The following FANCB variants were observed in gnomAD, a reference collection of about 807,000 sequenced individuals.
FANCB encodes Fanconi anemia group B protein.
Under a neutral mutation model 38.9 loss-of-function variants are expected in FANCB, and 5 were observed. That is an observed-to-expected ratio of 0.13 (90% CI 0.07 to 0.27). The LOEUF (loss-of-function observed/expected upper bound fraction) is 0.27, where lower values mean the gene tolerates loss of function less well. Ranked by LOEUF, FANCB falls within the 10% of genes least tolerant of loss-of-function variation. FANCB has a pLI of 1.00. For missense variants in FANCB, 573 were observed against 602.7 expected (o/e 0.95, Z 0.52); for synonymous variants, 236 against 215.4 (o/e 1.10, Z -0.84).
chrX:14,840,096 C>A (rs941863329), downstream of FANCB, among the ~76,000 whole-genome samples: 5 of 111,847 alleles, frequency 4.5e-5, no homozygotes, highest in Non-Finnish European at 9.4e-5. Context: ...CTCAGGTGAT[C>A]GGCCCACCTC....
the FANCB span, among the ~76,000 whole-genome samples, chrX:14,795,424 T>C: frequency 6.3e-5 from 7 of 111,513 alleles, no homozygotes; most frequent in Admixed American, 5.8e-4. Flanking sequence ...CAGTCTTTAA[T>C]GGTCTTAAAT....
chrX:14,755,804 T>C, the FANCB span, among the ~76,000 whole-genome samples: 1 of 111,043 alleles, frequency 9.0e-6, no homozygotes, highest in Non-Finnish European at 1.9e-5. Context: ...AAAAAAATCC[T>C]AAAATTCATA....
the FANCB span, among the ~76,000 whole-genome samples, chrX:14,787,383 T>G: frequency 9.4e-6 from 1 of 106,108 alleles, no homozygotes; most frequent in Non-Finnish European, 1.9e-5. Flanking sequence ...AGGGTGGGGG[T>G]GTGGAAAAAG....
chrX:14,871,638 G>GTATATATATATA (rs1406401370), intron 1 of FANCB, among the ~76,000 whole-genome samples: 2 of 109,466 alleles, frequency 1.8e-5, no homozygotes, highest in African/African-American at 6.6e-5. Flanking sequence ...GTGTGTGTGT[G>GTATATATATATA]TGTATATATA....
At chrX:14,859,156 C>A in intron 4 of FANCB, 26 bp downstream of exon 4, 1 of 1,055,944 alleles carries the variant, frequency 9.5e-7, no homozygotes, top group Non-Finnish European at 1.3e-6. Context: ...TCTTAAAATA[C>A]CATATAATAA....
the FANCB span, among the ~76,000 whole-genome samples, chrX:14,758,139 C>T: frequency 9.0e-6 from 1 of 111,111 alleles, no homozygotes; most frequent in Admixed American, 9.5e-5. Flanking sequence ...GCAGCAGAGG[C>T]ACCCACAGTG....
chrX:14,719,797 T>C, the FANCB span, among the ~76,000 whole-genome samples: 2 of 112,046 alleles, frequency 1.8e-5, no homozygotes, highest in African/African-American at 6.5e-5. Flanking sequence ...AAAATCAACA[T>C]ACATATCCAT....
At chrX:14,714,065 TTCTGGTTTGAAGCTTGAACTGATTC>T in the FANCB span, among the ~76,000 whole-genome samples, 3 of 110,750 alleles carry the variant, frequency 2.7e-5, no homozygotes. Context: ...AGTTATTAGG[TTCTGGTTTGAAGCTTGAACTGATTC>T]TATTTCCTGG....
chrX:14,733,112 A>T, the FANCB span, among the ~76,000 whole-genome samples: 3 of 112,059 alleles, frequency 2.7e-5, no homozygotes, highest in Admixed American at 2.8e-4. Context: ...TTTTCCGAAC[A>T]CCAATTATTA....
At chrX:14,848,584 C>T (rs1295921194) in intron 7 of FANCB, among the ~76,000 whole-genome samples, 1 of 111,621 alleles carries the variant, frequency 9.0e-6, no homozygotes, top group East Asian at 2.8e-4. Context: ...GCTTTTGTTG[C>T]AATTGTTACT....
At chrX:14,805,218 C>T in the FANCB span, among the ~76,000 whole-genome samples, 2 of 111,617 alleles carry the variant, frequency 1.8e-5, no homozygotes, top group African/African-American at 3.3e-5. Context: ...GAGTCTCACT[C>T]GCAGGCTACA....
chrX:14,859,379 C>A (rs1284338564), intron 3 of FANCB, 45 bp from the exon 4 acceptor site: 2 of 975,882 alleles, frequency 2.0e-6, no homozygotes, highest in Non-Finnish European at 2.9e-6. Context: ...AAGAAAAAAT[C>A]GAATGTGAAA....
Position 14,865,469 on chromosome X carries a change from C to G in FANCB, c.42G>C (p.Arg14Ser). ...GGACTTCCCCATTATAACACAAGAG[C>G]CTTTCTTGTTCGTTAGATGACATTG... ...KQAMSSNEQE[R>S]LLCYNGEVLV... is the part of the protein sequence containing the mutation. The change falls in exon 3 of 10, where the codon AGG becomes AGC. Residue 14 changes from arginine to serine, a missense_variant. Arg to Ser is a moderately radical substitution (Grantham distance 110). Transcript: ENST00000650831. The G allele has an allele frequency of 3.3e-6, 4 of 1,207,860 alleles. No individual in the cohort carries two copies. Among genetic ancestry groups the G allele is most frequent in the Non-Finnish European group, 4.5e-6 (4 of 893,445 alleles).
chrX:14,816,206 TAAAAC>T, the FANCB span, among the ~76,000 whole-genome samples: 3 of 111,832 alleles, frequency 2.7e-5, no homozygotes, highest in African/African-American at 6.5e-5. Flanking sequence ...AAATATAAAA[TAAAAC>T]AAAATAATTT....
At chrX:14,708,146 T>C in the FANCB span, among the ~76,000 whole-genome samples, 1 of 111,736 alleles carries the variant, frequency 8.9e-6, no homozygotes, top group Non-Finnish European at 1.9e-5. Flanking sequence ...TGAAACTTTG[T>C]ATCCCTTGAC....
At chrX:14,848,909 A>AC (rs1051533121) in intron 7 of FANCB, among the ~76,000 whole-genome samples, 6 of 107,376 alleles carry the variant, frequency 5.6e-5, no homozygotes, top group East Asian at 2.9e-4. Context: ...GAAAGCAGTG[A>AC]CCCCCCCGGA....
the FANCB span, among the ~76,000 whole-genome samples, chrX:14,816,007 C>T: frequency 3.0e-3 from 337 of 111,366 alleles, 1 homozygote; most frequent in African/African-American, 9.9e-3. Context: ...TTGGAGACTA[C>T]AAGAGGTGGG....
chrX:14,810,724 C>G, the FANCB span, among the ~76,000 whole-genome samples: 3 of 111,845 alleles, frequency 2.7e-5, no homozygotes, highest in Non-Finnish European at 3.8e-5. Context: ...AGAATGGAAC[C>G]AAGTTGGAAA....
chrX:14,710,731 T>C, the FANCB span, among the ~76,000 whole-genome samples: 2 of 111,911 alleles, frequency 1.8e-5, no homozygotes, highest in Non-Finnish European at 3.8e-5. Flanking sequence ...TGGAGGGCCA[T>C]AGCAGGACAT....
Sources: gnomAD v4.1 joint callset for allele counts (sites outside exome capture counted in the v4.1 genomes callset) on GRCh38, gnomAD v4.1.1 for gene constraint, MANE v1.5 for transcripts, NCBI Gene and HGNC (gene_info 2026-07-23, HGNC 2026-07-21) for gene names.